Variants in ACVR2A observed in about 807,000 individuals in gnomAD.
ACVR2A encodes activin receptor type-2A.
ACVR2A carries 7 observed loss-of-function variants against 61.4 expected under a neutral mutation model. The ratio of observed to expected loss-of-function variants is 0.11; its 90% CI spans 0.06 to 0.21. The LOEUF is 0.21. ACVR2A is among the 10% of genes least tolerant of loss of function. The pLI, the probability that ACVR2A is intolerant of heterozygous loss-of-function variation, is 1.00. For synonymous variants in ACVR2A, 193 were observed against 208.3 expected (o/e 0.93, Z 0.63); for missense variants, 322 against 621.7 (o/e 0.52, Z 5.13).
chr2:147,855,401 G>A (rs1685546815), intron 1 of ACVR2A, among the ~76,000 whole-genome samples: 1 of 152,180 alleles, frequency 6.6e-6, no homozygotes, highest in East Asian at 1.9e-4. Flanking sequence ...GAAGGAGTTA[G>A]AATAAAATGC....
At chr2:147,852,317 T>C (rs573551275) in intron 1 of ACVR2A, among the ~76,000 whole-genome samples, 24 of 152,192 alleles carry the variant, frequency 1.6e-4, no homozygotes, top group Admixed American at 1.4e-3. Flanking sequence ...AGGACACTTA[T>C]GTATTTTTAT....
At position 147,929,222 on chromosome 2, in the gene ACVR2A, C is replaced by CAAAGT. The variant is rs1454115307; in HGVS notation, c.*1950_*1954dup. 4 of 151,954 alleles carry CAAAGT rather than the reference C, an allele frequency of 2.6e-5. No homozygotes were observed. The highest frequency in any genetic ancestry group is 9.7e-5 in the African/African-American group (4 of 41,386). 9.4% of individuals were successfully genotyped at this position (151,954 alleles called of 1,614,324 possible). A position where few individuals can be genotyped will look rare whatever the true frequency, so the allele number is the denominator to read the frequency against. ...ATGTTGAGTTCACCTCTTTATTTCA[C>CAAAGT]AAAGTACTTGGTCTCTCAATTTCTT... On this transcript the variant is annotated 3_prime_UTR_variant, in exon 11 of 11. Coordinates refer to ENST00000241416, the MANE Select transcript of ACVR2A (RefSeq NM_001616.5).
At chr2:147,921,361 A>G (rs1687377746) in intron 8 of ACVR2A, among the ~76,000 whole-genome samples, 1 of 152,152 alleles carries the variant, frequency 6.6e-6, no homozygotes, top group Non-Finnish European at 1.5e-5. Context: ...CAGGGAAACC[A>G]GTTCAACCTA....
At position 147,874,332 on chromosome 2, in the gene ACVR2A, G is replaced by C. The variant is rs976358405; in HGVS notation, c.56-21969G>C. 2.0e-5 allele frequency among the ~76,000 whole-genome samples: 3 copies of C among 152,002 alleles called. No individual in the cohort carries two copies. The East Asian group carries it at 5.8e-4, about 29-fold the overall frequency. ...ACATGGATTAAATGAGATTATATAT[G>C]TAGCAACTTTGACTAGTATGACACA... is the stretch of plus-strand genomic sequence containing the variant. On this transcript the variant is annotated intron_variant, in intron 1 of 10. Coordinates refer to ENST00000241416, the MANE Select transcript of ACVR2A (RefSeq NM_001616.5).
intron 1 of ACVR2A, among the ~76,000 whole-genome samples, chr2:147,884,126 A>T (rs191458601): frequency 6.6e-6 from 1 of 152,136 alleles, no homozygotes; most frequent in African/African-American, 2.4e-5. Flanking sequence ...TTTACCTTTT[A>T]TCTCTTATTC....
At chr2:147,882,708 C>T (rs1686336522) in intron 1 of ACVR2A, among the ~76,000 whole-genome samples, 2 of 152,030 alleles carry the variant, frequency 1.3e-5, no homozygotes, top group African/African-American at 4.8e-5. Context: ...GCTAGTTGTG[C>T]TTTTAGTTTA....
chr2:147,915,091 T>C, intron 4 of ACVR2A, 100 bp from the exon 5 acceptor site: 1 of 1,086,972 alleles, frequency 9.2e-7, no homozygotes, highest in Admixed American at 2.1e-5. Context: ...TTACTGTTTC[T>C]GTCAGTTGAC....
rs1249286464 is a variant in ACVR2A, at chr2:147,918,477, G to A, written c.847G>A (p.Val283Met). The stretch of plus-strand genomic sequence containing the variant: ...ACTATCAGACTTTCTTAAGGCTAAT[G>A]TGGTCTCTTGGAATGAACTGTGTCA... ...GSLSDFLKAN[V>M]VSWNELCHIA... is the part of the protein sequence containing the mutation. The change falls in exon 7 of 11, where the codon GTG becomes ATG. Residue 283 changes from valine (V) to methionine (M), a missense_variant. Val to Met is a conservative substitution (Grantham distance 21, BLOSUM62 1). Coordinates refer to ENST00000241416, the MANE Select transcript of ACVR2A (RefSeq NM_001616.5). The A allele has an allele frequency of 6.2e-7, 1 of 1,610,856 alleles. No individual in the cohort carries two copies.
chr2:147,855,291 G>A (rs1451442074), intron 1 of ACVR2A, among the ~76,000 whole-genome samples: 1 of 152,200 alleles, frequency 6.6e-6, no homozygotes, highest in Non-Finnish European at 1.5e-5. Flanking sequence ...GCACAGAGGC[G>A]AAGCTCAGTG....
chr2:147,864,177 G>A (rs1040811378), intron 1 of ACVR2A, among the ~76,000 whole-genome samples: 2 of 152,062 alleles, frequency 1.3e-5, no homozygotes, highest in African/African-American at 4.8e-5. Context: ...TTGATTAAAT[G>A]ATGTAGCATA....
chr2:147,882,507 T>C (rs1686329601), intron 1 of ACVR2A, among the ~76,000 whole-genome samples: 1 of 152,158 alleles, frequency 6.6e-6, no homozygotes, highest in African/African-American at 2.4e-5. Context: ...GCCGCTAAGA[T>C]TGGGCCACTG....
chr2:147,845,937 G>A lies in ACVR2A; in HGVS notation c.55+730G>A, dbSNP rs567414903. Among the ~76,000 whole-genome samples, 29 of 152,222 alleles carry A rather than the reference G, an allele frequency of 1.9e-4. 1 individual carries two copies. In the South Asian group the frequency reaches 4.1e-3, roughly 22 times the overall value. ...TTTAAACGCTTTGTATTGAAGCATT[G>A]TTTTCGGTTTAGAACAACCCATGTG... is the stretch of plus-strand genomic sequence containing the variant. On this transcript the variant is annotated intron_variant, in intron 1 of 10. Transcript: ENST00000241416.
intron 1 of ACVR2A, among the ~76,000 whole-genome samples, chr2:147,861,757 C>T (rs1573916250): frequency 6.6e-6 from 1 of 152,146 alleles, no homozygotes; most frequent in East Asian, 1.9e-4. Context: ...CCTGTATTCC[C>T]GAATGAGAGC....
At chr2:147,866,132 G>A (rs1685849054) in intron 1 of ACVR2A, among the ~76,000 whole-genome samples, 1 of 152,094 alleles carries the variant, frequency 6.6e-6, no homozygotes, top group South Asian at 2.1e-4. Flanking sequence ...AAAGCCAGAG[G>A]GTTAGAAGTG....
intron 10 of ACVR2A, among the ~76,000 whole-genome samples, chr2:147,926,386 G>T (rs537714131): frequency 6.6e-6 from 1 of 152,044 alleles, no homozygotes; most frequent in South Asian, 2.1e-4. Context: ...CAATGGTCCT[G>T]TGCAGAAGAT....
At chr2:147,896,612 C>T in intron 2 of ACVR2A, 104 bp downstream of exon 2, 2 of 1,119,400 alleles carry the variant, frequency 1.8e-6, no homozygotes, top group South Asian at 3.0e-5. Context: ...TTAAATGTTT[C>T]TTGCTTTTTA....
chr2:147,918,435 C>G lies in ACVR2A; in HGVS notation c.817-12C>G, dbSNP rs780847569. The G allele has an allele frequency of 6.9e-6, 11 of 1,589,946 alleles. No homozygotes were observed. The Admixed American group carries it at 2.0e-4, about 29-fold the overall frequency. ...CAAGAACATAAGTTTCTTTTTTTCC[C>G]TCTTTTTTTAGGGTTCACTATCAGA... is the stretch of plus-strand genomic sequence containing the variant. On this transcript the variant is annotated splice_polypyrimidine_tract_variant and intron_variant, in intron 6 of 10. Coordinates refer to ENST00000241416, the MANE Select transcript of ACVR2A (RefSeq NM_001616.5).
intron 1 of ACVR2A, among the ~76,000 whole-genome samples, chr2:147,864,627 A>G (rs1685808763): frequency 3.3e-5 from 5 of 152,178 alleles, no homozygotes; most frequent in African/African-American, 1.2e-4. Flanking sequence ...TTTTTAGGCT[A>G]GGGAATATGA....
chr2:147,862,605 G>T (rs1685755291), intron 1 of ACVR2A, among the ~76,000 whole-genome samples: 1 of 151,964 alleles, frequency 6.6e-6, no homozygotes, highest in African/African-American at 2.4e-5. Context: ...TTAGCCGGGT[G>T]TGGTAGCACA....
Sources: gnomAD v4.1 joint callset for allele counts (sites outside exome capture counted in the v4.1 genomes callset) on GRCh38, gnomAD v4.1.1 for gene constraint, MANE v1.5 for transcripts, NCBI Gene and HGNC (gene_info 2026-07-23, HGNC 2026-07-21) for gene names.